Variants in SLC8A1 observed in about 807,000 individuals in gnomAD.
The protein encoded by SLC8A1 is sodium/calcium exchanger 1.
Under a neutral mutation model 68.3 loss-of-function variants are expected in SLC8A1, and 18 were observed. The ratio of observed to expected loss-of-function variants is 0.26; its 90% confidence interval spans 0.18 to 0.39. The LOEUF (loss-of-function observed/expected upper bound fraction) is 0.39, where lower values mean the gene tolerates loss of function less well. Ranked by LOEUF, SLC8A1 falls within the 10% of genes least tolerant of loss-of-function variation. SLC8A1 has a pLI of 1.00. For missense variants in SLC8A1, 985 were observed against 1,156.7 expected (o/e 0.85, Z 2.15); for synonymous variants, 475 against 415.5 (o/e 1.14, Z -1.74).
At chr2:40,263,473 C>T (rs1259594488) in intron 2 of SLC8A1, among the ~76,000 whole-genome samples, 1 of 152,106 alleles carries the variant, frequency 6.6e-6, no homozygotes, top group Admixed American at 6.5e-5. Context: ...CTACAGCAAC[C>T]AAAACAGCAT....
intron 2 of SLC8A1, among the ~76,000 whole-genome samples, chr2:40,282,822 C>A (rs1004079662): frequency 2.6e-5 from 4 of 152,032 alleles, no homozygotes; most frequent in Admixed American, 2.0e-4. Context: ...AACTCTGAAC[C>A]ACTATAAACC....
chr2:40,267,729 T>G (rs927988177), intron 2 of SLC8A1, among the ~76,000 whole-genome samples: 1 of 152,232 alleles, frequency 6.6e-6, no homozygotes, highest in African/African-American at 2.4e-5. Flanking sequence ...ACTAACCGTA[T>G]TTTTGAATCC....
intron 2 of SLC8A1, among the ~76,000 whole-genome samples, chr2:40,284,899 C>A (rs1441709974): frequency 6.6e-6 from 1 of 152,074 alleles, no homozygotes; most frequent in African/African-American, 2.4e-5. Flanking sequence ...CAGGGATGAG[C>A]AAGCTTCATA....
chr2:40,154,229 A>G (rs13425134), intron 6 of SLC8A1, among the ~76,000 whole-genome samples: 120,826 of 151,318 alleles, frequency 0.8, 49,467 homozygotes, highest in Non-Finnish European at 0.89. Flanking sequence ...AGTACCAGCC[A>G]TGTCATAGAA....
chr2:40,115,311 C>T lies in SLC8A1; in HGVS notation c.2756G>A (p.Trp919Ter). The T allele has an allele frequency of 1.2e-6, 2 of 1,614,030 alleles. No individual in the cohort carries two copies. Among genetic ancestry groups the T allele is most frequent in the Non-Finnish European group, 1.7e-6 (2 of 1,180,032 alleles). Residue 919 changes from tryptophan to a stop codon, truncating the protein, a stop_gained, in exon 8 of 8, where the codon TGG becomes TAG. Coordinates refer to ENST00000406785, the Ensembl canonical transcript of SLC8A1. LOFTEE classifies it high-confidence loss of function. The stretch of plus-strand genomic sequence containing the variant: ...GGAGGAGAAGAAAATGTACAAGAGC[C>T]ATAGGAGCACAAAGAGGCAGGATGT...
At chr2:40,213,535 C>A (rs1478737265) in intron 2 of SLC8A1, 1 of 152,164 alleles carries the variant, frequency 6.6e-6, no homozygotes, top group Non-Finnish European at 1.5e-5. Context: ...AAAGGGGCAC[C>A]AGCAGTAGCA....
At chr2:40,204,736 TTTTA>T (rs1574023860) in intron 2 of SLC8A1, among the ~76,000 whole-genome samples, 2 of 151,982 alleles carry the variant, frequency 1.3e-5, no homozygotes, top group African/African-American at 4.8e-5. Context: ...TAATAATAAC[TTTTA>T]TTTACTCAAT....
intron 1 of SLC8A1, among the ~76,000 whole-genome samples, chr2:40,465,570 G>A (rs895209227): frequency 6.6e-6 from 1 of 152,052 alleles, no homozygotes; most frequent in Admixed American, 6.6e-5. Context: ...GGTTCTATCT[G>A]AGTGTTTATA....
intron 2 of SLC8A1, among the ~76,000 whole-genome samples, chr2:40,214,018 A>C (rs1449375500): frequency 6.6e-6 from 1 of 152,158 alleles, no homozygotes. Flanking sequence ...CAGAAAACCT[A>C]AGTGTGTAGC....
intron 2 of SLC8A1, among the ~76,000 whole-genome samples, chr2:40,222,271 G>A (rs1241305764): frequency 6.6e-6 from 1 of 152,090 alleles, no homozygotes; most frequent in South Asian, 2.1e-4. Context: ...AACAAGCAAT[G>A]GGGAAACGAC....
chr2:40,397,743 G>C (rs1687440653), intron 2 of SLC8A1, among the ~76,000 whole-genome samples: 1 of 152,144 alleles, frequency 6.6e-6, no homozygotes, highest in South Asian at 2.1e-4. Context: ...ACCACTCTGA[G>C]AATCAATAGA....
intron 3 of SLC8A1, 77 bp downstream of exon 4, chr2:40,175,184 G>T: frequency 7.2e-7 from 1 of 1,396,560 alleles, no homozygotes; most frequent in South Asian, 1.2e-5. Flanking sequence ...AAAAGTCACA[G>T]AGCTACTGTA....
chr2:40,115,413 T>C (rs151277520), exon 8 of SLC8A1: 20 of 1,613,960 alleles, frequency 1.2e-5, no homozygotes, highest in Non-Finnish European at 1.5e-5. Flanking sequence ...CACCCCCACA[T>C]TGATGAAAGC....
exon 8 of SLC8A1, chr2:40,111,022 C>T (rs2034524443): frequency 1.3e-5 from 2 of 152,066 alleles, no homozygotes; most frequent in South Asian, 4.1e-4. Context: ...GAGTGGTGAG[C>T]TTTCATTAAT....
chr2:40,301,907 C>T (rs183830881), intron 2 of SLC8A1, among the ~76,000 whole-genome samples: 127 of 151,996 alleles, frequency 8.4e-4, no homozygotes, highest in African/African-American at 2.9e-3. Context: ...CTATTGCCCA[C>T]GCTGGAGTGC....
At chr2:40,228,133 C>T (rs1451398318) in intron 2 of SLC8A1, among the ~76,000 whole-genome samples, 1 of 152,144 alleles carries the variant, frequency 6.6e-6, no homozygotes, top group Non-Finnish European at 1.5e-5. Context: ...TTGACAAATT[C>T]CTGTTCACTG....
At chr2:40,103,905 G>A (rs2034044863) in exon 8 of SLC8A1, 1 of 152,148 alleles carries the variant, frequency 6.6e-6, no homozygotes, top group Non-Finnish European at 1.5e-5. Flanking sequence ...ACAACTTAAA[G>A]TACCTTCAAC....
At chr2:40,247,486 T>A (rs2062041882) in intron 2 of SLC8A1, among the ~76,000 whole-genome samples, 1 of 151,966 alleles carries the variant, frequency 6.6e-6, no homozygotes, top group African/African-American at 2.4e-5. Context: ...GAGGCATGGG[T>A]TTTACTAATG....
At chr2:40,306,936 T>C (rs550405011) in intron 2 of SLC8A1, among the ~76,000 whole-genome samples, 2 of 152,310 alleles carry the variant, frequency 1.3e-5, no homozygotes, top group East Asian at 1.9e-4. Flanking sequence ...TCACTGCATT[T>C]ACTATAGTAA....
Sources: gnomAD v4.1 joint callset for allele counts (sites outside exome capture counted in the v4.1 genomes callset) on GRCh38, gnomAD v4.1.1 for gene constraint, MANE v1.5 for transcripts, NCBI Gene and HGNC (gene_info 2026-07-23, HGNC 2026-07-21) for gene names.